NTM: variants seen among roughly 807,000 people sequenced by gnomAD.
The protein encoded by NTM is neurotrimin.
In NTM, 13 loss-of-function variants were observed where a neutral mutation model predicts 42.1. The observed-to-expected ratio is 0.31, with a 90% CI of 0.20 to 0.49. The LOEUF (loss-of-function observed/expected upper bound fraction) is 0.49. Among genes scored for constraint, NTM ranks in the 20% least tolerant of loss-of-function variants. The probability of loss-of-function intolerance (pLI) is 0.99; values close to 1 mark genes in which losing one functional copy is unlikely to be tolerated. For missense variants in NTM, 373 were observed against 452.8 expected, an observed-to-expected ratio of 0.82 and a Z score of 1.60; for synonymous variants, 187 against 179.2, an observed-to-expected ratio of 1.04 and a Z score of -0.35.
At chr11:132,106,624 C>T (rs1316890496) in intron 2 of NTM, among the ~76,000 whole-genome samples, 7 of 152,238 alleles carry the variant, frequency 4.6e-5, no homozygotes, top group Admixed American at 4.6e-4. Context: ...CTGTCTTTGG[C>T]ATCCCATCTG....
At chr11:131,982,952 T>C (rs184308219) in intron 2 of NTM, among the ~76,000 whole-genome samples, 358 of 152,230 alleles carry the variant, frequency 2.4e-3, no homozygotes, top group Non-Finnish European at 4.4e-3. Context: ...GAATCAGCAG[T>C]TGGGGAGAGG....
At chr11:132,250,387 G>T (rs2091799513) in intron 4 of NTM, among the ~76,000 whole-genome samples, 1 of 152,066 alleles carries the variant, frequency 6.6e-6, no homozygotes, top group South Asian at 2.1e-4. Context: ...CTTCAGATTT[G>T]TTAGTATTCT....
rs559260191 is a variant in NTM, at chr11:132,088,703, G to C, written c.168-57579G>C. ...CACATTGATTTATTTCCTTTACAGG[G>C]CATGTGCTAAGGGATAGAATTTTTC... On this transcript the variant is annotated intron_variant, in intron 2 of 8. Transcript: ENST00000683400. 1.6e-4 allele frequency among the ~76,000 whole-genome samples: 25 copies of C among 152,214 alleles called. No homozygotes were observed. The South Asian group carries it at 5.0e-3, about 30-fold the overall frequency.
chr11:131,674,341 A>G (rs1162559269), intron 1 of NTM, among the ~76,000 whole-genome samples: 1 of 152,192 alleles, frequency 6.6e-6, no homozygotes, highest in Non-Finnish European at 1.5e-5. Context: ...TGAAAAGGAG[A>G]GGCTGGTATA....
At chr11:131,690,184 A>G (rs574683580) in intron 1 of NTM, among the ~76,000 whole-genome samples, 1 of 152,314 alleles carries the variant, frequency 6.6e-6, no homozygotes, top group East Asian at 1.9e-4. Flanking sequence ...AGATGAGAGG[A>G]GAGAAAAGTA....
At chr11:132,020,225 T>C (rs2074122981) in intron 2 of NTM, among the ~76,000 whole-genome samples, 1 of 152,238 alleles carries the variant, frequency 6.6e-6, no homozygotes, top group East Asian at 1.9e-4. Context: ...ATTTTCTTTA[T>C]CCAATCTACC....
At chr11:131,544,438 TCTA>T (rs1298550032) in intron 1 of NTM, among the ~76,000 whole-genome samples, 1 of 152,114 alleles carries the variant, frequency 6.6e-6, no homozygotes, top group Non-Finnish European at 1.5e-5. Context: ...AGCTTCCCAT[TCTA>T]CTACCAAATT....
chr11:132,193,413 A>G (rs1255052156), intron 3 of NTM, among the ~76,000 whole-genome samples: 4 of 152,160 alleles, frequency 2.6e-5, no homozygotes, highest in African/African-American at 7.2e-5. Flanking sequence ...CTTTGGGGAA[A>G]AGAATGACAT....
chr11:132,332,859 T>A (rs2095826397), intron 8 of NTM: 2 of 152,174 alleles, frequency 1.3e-5, no homozygotes, highest in African/African-American at 4.8e-5. Context: ...AGGAGGGAGT[T>A]CAGAAGAGAG....
chr11:132,143,331 T>A (rs2069600498), intron 2 of NTM, among the ~76,000 whole-genome samples: 1 of 152,056 alleles, frequency 6.6e-6, no homozygotes, highest in African/African-American at 2.4e-5. Context: ...ACCCATGGAG[T>A]AAGGTCCCAG....
chr11:131,727,624 A>G (rs1396361202), intron 1 of NTM, among the ~76,000 whole-genome samples: 1 of 152,200 alleles, frequency 6.6e-6, no homozygotes, highest in Non-Finnish European at 1.5e-5. Flanking sequence ...ACATCTAAGG[A>G]CAATCACTCT....
intron 1 of NTM, among the ~76,000 whole-genome samples, chr11:131,383,532 T>C (rs1942949658): frequency 6.6e-6 from 1 of 152,180 alleles, no homozygotes; most frequent in African/African-American, 2.4e-5. Flanking sequence ...TGCTAACGTC[T>C]ACAGGGAAGA....
chr11:131,673,702 T>TG (rs1263470188), intron 1 of NTM, among the ~76,000 whole-genome samples: 3 of 152,158 alleles, frequency 2.0e-5, no homozygotes, highest in Non-Finnish European at 4.4e-5. Flanking sequence ...ACCTGTACCT[T>TG]GGGGGGCCCA....
At chr11:131,531,307 T>A (rs1019126287) in intron 1 of NTM, among the ~76,000 whole-genome samples, 1 of 152,062 alleles carries the variant, frequency 6.6e-6, no homozygotes, top group East Asian at 1.9e-4. Flanking sequence ...CTCTGCTAAT[T>A]TTTTTTGGGG....
At position 132,264,942 on chromosome 11, in the gene NTM, C is replaced by A. The variant is rs145608177; in HGVS notation, c.527-42747C>A. Among the ~76,000 whole-genome samples, 12 of 152,282 alleles carry A rather than the reference C, an allele frequency of 7.9e-5. No individual in the cohort carries two copies. In the East Asian group the frequency reaches 2.3e-3, roughly 29 times the overall value. On this transcript the variant is annotated intron_variant, in intron 4 of 8. Coordinates refer to ENST00000683400, the MANE Select transcript of NTM (RefSeq NM_001352005.2). The stretch of plus-strand genomic sequence containing the variant: ...GTGCCTGTCCCACCAGCAGGCCCCA[C>A]CATAATGACCTTATCTAATCCTAAT...
chr11:132,047,578 G>T (rs1264965295), intron 2 of NTM, among the ~76,000 whole-genome samples: 1 of 152,198 alleles, frequency 6.6e-6, no homozygotes, highest in African/African-American at 2.4e-5. Flanking sequence ...GGTCTGCGAG[G>T]CAGGGGAGTC....
chr11:131,641,341 G>T (rs773086160), intron 1 of NTM, among the ~76,000 whole-genome samples: 1 of 152,196 alleles, frequency 6.6e-6, no homozygotes, highest in Non-Finnish European at 1.5e-5. Context: ...GATAAAAAGA[G>T]GGGAGTTAGA....
intron 1 of NTM, among the ~76,000 whole-genome samples, chr11:131,776,257 C>T (rs2086952882): frequency 6.6e-6 from 1 of 152,180 alleles, no homozygotes; most frequent in African/African-American, 2.4e-5. Context: ...AATCTGTTTC[C>T]AACCTGTGCG....
At chr11:131,401,822 A>ATATATATATATATATATATGTG (rs1945220194) in intron 1 of NTM, among the ~76,000 whole-genome samples, 1 of 57,852 alleles carries the variant, frequency 1.7e-5, no homozygotes, top group Non-Finnish European at 3.5e-5. Context: ...ATATATATAT[A>ATATATATATATATATATATGTG]TATATATATA....
Sources: allele counts gnomAD v4.1 joint callset (sites outside exome capture counted in the v4.1 genomes callset), GRCh38; gene constraint gnomAD v4.1.1; transcripts MANE v1.5; gene names NCBI Gene and HGNC (gene_info 2026-07-23, HGNC 2026-07-21).